Variants in NSUN6 observed in about 807,000 individuals in gnomAD.
NSUN6 encodes tRNA (cytosine(72)-C(5))-methyltransferase NSUN6.
In NSUN6, 64 loss-of-function variants were observed where a neutral mutation model predicts 58.0. The ratio of observed to expected loss-of-function variants is 1.10; its 90% CI spans 0.90 to 1.36. The LOEUF is 1.36. Among genes scored for constraint, NSUN6 ranks in the 40% most tolerant of loss-of-function variants. NSUN6 has a pLI of 0.00. For synonymous variants in NSUN6, 231 were observed against 193.9 expected (o/e 1.19, Z -1.59); for missense variants, 701 against 550.1 (o/e 1.27, Z -2.74).
At chr10:18,642,066 C>G (rs1267627045) in intron 3 of NSUN6, among the ~76,000 whole-genome samples, 1 of 151,970 alleles carries the variant, frequency 6.6e-6, no homozygotes, top group African/African-American at 2.4e-5. Context: ...GACGCTTTCT[C>G]AAAAAATAAA....
chr10:18,545,806 G>A lies in NSUN6; in HGVS notation c.*127C>T, dbSNP rs1589796635. The A allele has an allele frequency of 1.5e-6, 1 of 659,634 alleles. No individual in the cohort carries two copies. The highest frequency in any genetic ancestry group is 1.8e-5 in the South Asian group (1 of 57,124). The allele number at this position is 659,634 out of a possible 1,614,324, so 40.9% of individuals were successfully genotyped here. On this transcript the variant is annotated 3_prime_UTR_variant, in exon 11 of 11. Coordinates refer to ENST00000377304, the MANE Select transcript of NSUN6 (RefSeq NM_182543.5). ...CTCTGGATCCCTGGTAAAACAGCTG[G>A]CAGCCTTTTCTGTTTCCATAGCAAC...
chr10:18,652,659 A>G (rs2059730030), upstream of NSUN6: 2 of 751,494 alleles, frequency 2.7e-6, no homozygotes, highest in African/African-American at 3.9e-5. Context: ...CTCCTGGTTC[A>G]AGAGATTCTC....
chr10:18,583,490 T>C (rs1283849287), intron 8 of NSUN6, among the ~76,000 whole-genome samples: 2 of 152,150 alleles, frequency 1.3e-5, no homozygotes, highest in Admixed American at 6.5e-5. Context: ...AAGGAAAATG[T>C]GACCCATTGG....
chr10:18,594,438 T>TG (rs1554865907), intron 7 of NSUN6, among the ~76,000 whole-genome samples: 1 of 151,458 alleles, frequency 6.6e-6, no homozygotes, highest in Non-Finnish European at 1.5e-5. Flanking sequence ...TCTGTTTTTT[T>TG]TTGTTGTTGT....
intron 5 of NSUN6, among the ~76,000 whole-genome samples, chr10:18,613,738 T>C (rs907668843): frequency 1.3e-5 from 2 of 152,190 alleles, no homozygotes. Context: ...TGAATTTCAA[T>C]TACAAACCCA....
chr10:18,580,237 G>A (rs1415657995), intron 8 of NSUN6, among the ~76,000 whole-genome samples: 1 of 152,182 alleles, frequency 6.6e-6, no homozygotes, highest in African/African-American at 2.4e-5. Context: ...ATCAACCACA[G>A]CTTAATAAGA....
At position 18,550,157 on chromosome 10, in the gene NSUN6, A is replaced by C. The variant is rs553602881; in HGVS notation, c.1071+1666T>G. Reference sequence around the variant, plus strand: ...TTCATCTACTCCTAGTAGCCTTTTAAAATACCATTTTTGCTGTGACCTAAT... The same window carrying C: ...TTCATCTACTCCTAGTAGCCTTTTACAATACCATTTTTGCTGTGACCTAAT... On this transcript the variant is annotated intron_variant, in intron 9 of 10. Coordinates refer to ENST00000377304, the MANE Select transcript of NSUN6 (RefSeq NM_182543.5). Among the ~76,000 whole-genome samples, 23 of 152,312 alleles carry C rather than the reference A, an allele frequency of 1.5e-4. 2 individuals are homozygous for C. In the South Asian group the frequency reaches 4.4e-3, roughly 29 times the overall value.
intron 6 of NSUN6, among the ~76,000 whole-genome samples, chr10:18,600,939 A>ATATATATATAT (rs1287443145): frequency 3.2e-5 from 1 of 31,576 alleles, no homozygotes; most frequent in Non-Finnish European, 6.9e-5. Context: ...AAAAAAAAAA[A>ATATATATATAT]AAATATATAT....
At chr10:18,572,896 A>G (rs1297636489) in intron 8 of NSUN6, among the ~76,000 whole-genome samples, 1 of 140,904 alleles carries the variant, frequency 7.1e-6, no homozygotes, top group East Asian at 2.2e-4. Context: ...TCCATTCTCC[A>G]TTCCATTTTC....
Position 18,561,109 on chromosome 10 carries a change from GA to G in NSUN6, c.923-9139del, listed in dbSNP as rs563449951. 2.1e-3 allele frequency among the ~76,000 whole-genome samples: 289 copies of G among 140,184 alleles called. 3 individuals carry two copies. Among genetic ancestry groups the G allele is most frequent in the African/African-American group, 7.2e-3 (276 of 38,110 alleles). 92.0% of individuals were successfully genotyped at this position (140,184 alleles called of 152,430 possible). On this transcript the variant is annotated intron_variant, in intron 8 of 10. Transcript: ENST00000377304. ...GGAGAATGGAATGGAATGGAAAAAG[GA>G]ATAGAATATAGAATGCAATGGAGAA...
intron 10 of NSUN6, among the ~76,000 whole-genome samples, chr10:18,546,551 G>T (rs1255929248): frequency 6.6e-6 from 1 of 152,104 alleles, no homozygotes; most frequent in Non-Finnish European, 1.5e-5. Flanking sequence ...CTGGCATATA[G>T]CAGGGACTCA....
At chr10:18,555,712 G>A (rs1299529170) in intron 8 of NSUN6, among the ~76,000 whole-genome samples, 16 of 149,352 alleles carry the variant, frequency 1.1e-4, no homozygotes, top group Non-Finnish European at 1.6e-4. Flanking sequence ...ATGGAATGGA[G>A]AATGGAATGG....
At chr10:18,633,874 C>T (rs1331089506) in intron 3 of NSUN6, among the ~76,000 whole-genome samples, 3 of 152,152 alleles carry the variant, frequency 2.0e-5, no homozygotes, top group Admixed American at 1.3e-4. Context: ...AAGCCTTCCC[C>T]GCCCCCTGGA....
At chr10:18,616,602 T>C (rs2058419479) in intron 3 of NSUN6, among the ~76,000 whole-genome samples, 2 of 152,228 alleles carry the variant, frequency 1.3e-5, no homozygotes, top group South Asian at 4.1e-4. Context: ...ATAGACTTTC[T>C]CTGTCTTCAA....
chr10:18,639,073 G>A (rs1466719434), intron 3 of NSUN6, among the ~76,000 whole-genome samples: 3 of 151,424 alleles, frequency 2.0e-5, no homozygotes, highest in African/African-American at 4.9e-5. Flanking sequence ...TGGGCAACAC[G>A]GCGAGACCTC....
At position 18,553,981 on chromosome 10, in the gene NSUN6, T is replaced by C. The variant is rs144923990; in HGVS notation, c.923-2010A>G. Among the ~76,000 whole-genome samples, 588 of 147,678 alleles carry C rather than the reference T, an allele frequency of 4.0e-3. 4 individuals carry two copies. The highest frequency in any genetic ancestry group is 0.013 in the African/African-American group (536 of 39,956). On this transcript the variant is annotated intron_variant, in intron 8 of 10. Coordinates refer to ENST00000377304, the MANE Select transcript of NSUN6 (RefSeq NM_182543.5). ...GAAGGGAATGGAATGGAATCGACAA[T>C]GCAGAATGGAATGGAGAATGTAATT...
chr10:18,595,387 A>G (rs2057546231), intron 7 of NSUN6, among the ~76,000 whole-genome samples: 1 of 152,262 alleles, frequency 6.6e-6, no homozygotes, highest in South Asian at 2.1e-4. Flanking sequence ...CAAATACGAT[A>G]AATATGCCAT....
intron 3 of NSUN6, among the ~76,000 whole-genome samples, chr10:18,642,139 C>G (rs2059407341): frequency 6.6e-6 from 1 of 150,408 alleles, no homozygotes; most frequent in African/African-American, 2.4e-5. Flanking sequence ...TGTTGCAGCT[C>G]AAAAAAGAGT....
chr10:18,563,851 C>T (rs2055726810), intron 8 of NSUN6, among the ~76,000 whole-genome samples: 5 of 148,448 alleles, frequency 3.4e-5, no homozygotes, highest in Admixed American at 2.7e-4. Flanking sequence ...CCATTCAATC[C>T]TCCCTTCCAT....
Sources: gnomAD v4.1 joint callset for allele counts (sites outside exome capture counted in the v4.1 genomes callset) on GRCh38, gnomAD v4.1.1 for gene constraint, MANE v1.5 for transcripts, NCBI Gene and HGNC (gene_info 2026-07-23, HGNC 2026-07-21) for gene names.